PAX5: variants seen among roughly 807,000 people sequenced by gnomAD.
The protein encoded by PAX5 is paired box protein Pax-5.
PAX5 carries 9 observed loss-of-function variants against 43.7 expected under a neutral mutation model. The ratio of observed to expected loss-of-function variants is 0.21; its 90% confidence interval spans 0.12 to 0.36. PAX5 has a LOEUF of 0.36. PAX5 is among the 10% of genes least tolerant of loss of function. The pLI, the probability that PAX5 is intolerant of heterozygous loss-of-function variation, is 1.00. For missense variants in PAX5, 383 were observed against 532.7 expected, an observed-to-expected ratio of 0.72 and a Z score of 2.77; for synonymous variants, 228 against 214.3, an observed-to-expected ratio of 1.06 and a Z score of -0.56.
At chr9:36,841,808 G>A (rs749877466) in intron 9 of PAX5, among the ~76,000 whole-genome samples, 36 of 152,208 alleles carry the variant, frequency 2.4e-4, no homozygotes, top group Non-Finnish European at 5.0e-4. Context: ...TGGGGCAAAC[G>A]CCAGCCTGAC....
intron 5 of PAX5, among the ~76,000 whole-genome samples, chr9:36,968,244 T>C (rs1413113242): frequency 6.6e-6 from 1 of 152,338 alleles, no homozygotes; most frequent in East Asian, 1.9e-4. Context: ...ACCAGTGCAC[T>C]GCTGCCCTAG....
intron 6 of PAX5, among the ~76,000 whole-genome samples, chr9:36,937,272 C>A (rs1051391685): frequency 6.6e-6 from 1 of 152,166 alleles, no homozygotes; most frequent in Non-Finnish European, 1.5e-5. Flanking sequence ...TATTACTACC[C>A]TCCCTTTACA....
chr9:36,852,595 G>A (rs1011852748), intron 8 of PAX5, among the ~76,000 whole-genome samples: 23 of 152,234 alleles, frequency 1.5e-4, no homozygotes, highest in Non-Finnish European at 3.2e-4. Context: ...AGGAGGACGC[G>A]GAGCAGAGGA....
In PAX5 at chr9:36,881,894, G is replaced by A. The variant is rs1826449734; in HGVS notation, c.1012+110C>T. On this transcript the variant is annotated intron_variant, in intron 8 of 9. Coordinates refer to ENST00000358127, the MANE Select transcript of PAX5 (RefSeq NM_016734.3). Reference sequence around the variant, plus strand: ...TGCAGACCTCTGCCTGATTTATTCAGGTCCGCTTCTCAGAAGCGTAGAGGT... The same window carrying A: ...TGCAGACCTCTGCCTGATTTATTCAAGTCCGCTTCTCAGAAGCGTAGAGGT... 28 of 815,676 alleles carry A rather than the reference G, an allele frequency of 3.4e-5. No individual in the cohort carries two copies. In the South Asian group the frequency reaches 3.9e-4, roughly 11 times the overall value. 50.5% of individuals were successfully genotyped at this position (815,676 alleles called of 1,614,324 possible).
chr9:36,924,755 GGAAGGAA>G (rs1830474520), intron 6 of PAX5, among the ~76,000 whole-genome samples: 1 of 120,760 alleles, frequency 8.3e-6, no homozygotes, highest in African/African-American at 3.2e-5. Context: ...AAGGAAGGAA[GGAAGGAA>G]GGAAGGAAGG....
intron 6 of PAX5, among the ~76,000 whole-genome samples, chr9:36,965,495 CTG>C (rs1834348403): frequency 6.6e-6 from 1 of 152,234 alleles, no homozygotes; most frequent in African/African-American, 2.4e-5. Context: ...CACAGACAGA[CTG>C]TCATAGATGG....
intron 6 of PAX5, among the ~76,000 whole-genome samples, chr9:36,933,217 T>C (rs957003700): frequency 4.6e-5 from 7 of 151,802 alleles, no homozygotes; most frequent in Non-Finnish European, 5.9e-5. Context: ...CCACACATAT[T>C]TGACTCATGG....
At chr9:37,023,204 T>C (rs1157861921) in intron 1 of PAX5, among the ~76,000 whole-genome samples, 1 of 151,592 alleles carries the variant, frequency 6.6e-6, no homozygotes, top group African/African-American at 2.4e-5. Flanking sequence ...ATGGAGAAGC[T>C]AGAATAGGCC....
At chr9:37,012,949 T>TA (rs1044763853) in intron 3 of PAX5, among the ~76,000 whole-genome samples, 2 of 152,074 alleles carry the variant, frequency 1.3e-5, no homozygotes, top group Admixed American at 6.5e-5. Context: ...TTGCCTCTGT[T>TA]AAAAAAATAT....
Position 36,882,756 on chromosome 9 carries a change from T to C in PAX5, c.911-651A>G, listed in dbSNP as rs898103201. On this transcript the variant is annotated intron_variant, in intron 7 of 9. Coordinates refer to ENST00000358127, the MANE Select transcript of PAX5 (RefSeq NM_016734.3). This position sits in a 1 kb window ranked among gnomAD's most constrained non-coding sequence, Gnocchi z 4.4. ...CCAGTGCCAAACACTGTTCTGGCCCTGGGACATGGAGGTTAAGGCCTCAGC... is the reference window on the plus strand; with the variant it reads ...CCAGTGCCAAACACTGTTCTGGCCCCGGGACATGGAGGTTAAGGCCTCAGC... 6.6e-6 allele frequency among the ~76,000 whole-genome samples: 1 copy of C among 152,252 alleles called. No homozygotes were observed. The highest frequency in any genetic ancestry group is 2.4e-5 in the African/African-American group (1 of 41,466).
intron 2 of PAX5, among the ~76,000 whole-genome samples, chr9:37,017,440 T>G (rs1839476969): frequency 6.6e-6 from 1 of 152,206 alleles, no homozygotes; most frequent in Admixed American, 6.5e-5. Context: ...ATAATAAGAA[T>G]AATGACCCCT....
At chr9:36,975,536 C>A (rs1179269335) in intron 5 of PAX5, among the ~76,000 whole-genome samples, 1 of 152,144 alleles carries the variant, frequency 6.6e-6, no homozygotes, top group Non-Finnish European at 1.5e-5. Context: ...CAGGCGCCCG[C>A]CACTATTCCC....
chr9:37,010,390 C>G (rs972033413), intron 3 of PAX5, among the ~76,000 whole-genome samples: 3 of 152,204 alleles, frequency 2.0e-5, no homozygotes, highest in African/African-American at 7.2e-5. Context: ...AGCGAGTCAG[C>G]CCAGACTCCC....
intron 6 of PAX5, among the ~76,000 whole-genome samples, chr9:36,949,417 TGGTAAA>T (rs1174212479): frequency 7.2e-6 from 1 of 138,368 alleles, no homozygotes; most frequent in African/African-American, 2.5e-5. Context: ...GATAAAGCAG[TGGTAAA>T]GCCAAGTAGA....
intron 3 of PAX5, among the ~76,000 whole-genome samples, chr9:37,009,477 G>C (rs1588215836): frequency 6.6e-6 from 1 of 152,188 alleles, no homozygotes; most frequent in Admixed American, 6.5e-5. Flanking sequence ...TCTTTGTAAA[G>C]ATTAATGACT....
At position 36,840,556 on chromosome 9, in the gene PAX5, A is replaced by G. The variant is rs1276993325; in HGVS notation, c.*4T>C. On this transcript the variant is annotated 3_prime_UTR_variant, in exon 10 of 10. Coordinates refer to ENST00000358127, the MANE Select transcript of PAX5 (RefSeq NM_016734.3). Reference sequence around the variant, plus strand: ...AGTGTTTGGTGCCCGCCTGGCTCCAAGGGTCAGTGACGGTCATAGGCAGTG... The same window carrying G: ...AGTGTTTGGTGCCCGCCTGGCTCCAGGGGTCAGTGACGGTCATAGGCAGTG... The G allele has an allele frequency of 1.9e-6, 3 of 1,583,332 alleles. No homozygotes were observed. Among genetic ancestry groups the G allele is most frequent in the African/African-American group, 2.7e-5 (2 of 74,672 alleles).
chr9:36,967,350 T>C (rs1834532255), intron 5 of PAX5, among the ~76,000 whole-genome samples: 1 of 152,242 alleles, frequency 6.6e-6, no homozygotes, highest in South Asian at 2.1e-4. Flanking sequence ...ATTGCACTTC[T>C]GGGAATTTAT....
chr9:36,845,600 T>A (rs1247236971), intron 9 of PAX5, among the ~76,000 whole-genome samples: 1 of 152,194 alleles, frequency 6.6e-6, no homozygotes, highest in East Asian at 1.9e-4. Context: ...TTGTTTCTTA[T>A]TGAATCCCCA....
chr9:36,993,693 G>A (rs1837118670), intron 5 of PAX5, among the ~76,000 whole-genome samples: 1 of 152,254 alleles, frequency 6.6e-6, no homozygotes. Context: ...CCATGGGGCA[G>A]CAGGGCATGC....
Sources: allele counts gnomAD v4.1 joint callset (sites outside exome capture counted in the v4.1 genomes callset), GRCh38; gene constraint gnomAD v4.1.1; non-coding constraint Gnocchi (gnomAD v3.1); transcripts MANE v1.5; gene names NCBI Gene and HGNC (gene_info 2026-07-23, HGNC 2026-07-21).